SSH2: variants seen among roughly 807,000 people sequenced by gnomAD.
The protein encoded by SSH2 is slingshot protein phosphatase 2.
In SSH2, 37 loss-of-function variants were observed where a neutral mutation model predicts 135.2. The ratio of observed to expected loss-of-function variants is 0.27; its 90% CI spans 0.21 to 0.36. The LOEUF is 0.36. Ranked by LOEUF, SSH2 falls within the 10% of genes least tolerant of loss-of-function variation. SSH2 has a pLI of 1.00. For missense variants in SSH2, 1,408 were observed against 1,765.3 expected, an observed-to-expected ratio of 0.80 and a Z score of 3.63; for synonymous variants, 628 against 646.2, an observed-to-expected ratio of 0.97 and a Z score of 0.43.
intron 1 of SSH2, among the ~76,000 whole-genome samples, chr17:29,861,014 G>T (rs1038499691): frequency 4.6e-5 from 7 of 152,034 alleles, no homozygotes; most frequent in African/African-American, 1.4e-4. Flanking sequence ...CAAAGTACTG[G>T]GATTACAGGT....
chr17:29,889,098 AC>A (rs778625679), intron 1 of SSH2, among the ~76,000 whole-genome samples: 58 of 152,258 alleles, frequency 3.8e-4, no homozygotes, highest in Non-Finnish European at 7.8e-4. Context: ...AATACCATAT[AC>A]AAAAATTTAC....
chr17:29,876,255 A>C (rs2066029056), intron 1 of SSH2, among the ~76,000 whole-genome samples: 2 of 152,140 alleles, frequency 1.3e-5, no homozygotes, highest in Non-Finnish European at 2.9e-5. Context: ...CTACAAAGGA[A>C]TAGTAACCAA....
intron 6 of SSH2, among the ~76,000 whole-genome samples, chr17:29,679,698 G>A (rs1214732170): frequency 4.6e-5 from 7 of 152,176 alleles, no homozygotes; most frequent in South Asian, 2.1e-4. Flanking sequence ...GAGCCACCGC[G>A]CCCAGCAACT....
intron 3 of SSH2, among the ~76,000 whole-genome samples, chr17:29,791,156 G>A (rs2042058637): frequency 6.6e-6 from 1 of 152,002 alleles, no homozygotes; most frequent in African/African-American, 2.4e-5. Flanking sequence ...CTTGATCTCG[G>A]CTCACTGCAA....
intron 1 of SSH2, among the ~76,000 whole-genome samples, chr17:29,878,504 GT>G (rs2066076852): frequency 6.6e-6 from 1 of 152,286 alleles, no homozygotes; most frequent in Middle Eastern, 3.4e-3. Flanking sequence ...GCCTAGCATA[GT>G]GTGTGACACA....
intron 3 of SSH2, among the ~76,000 whole-genome samples, chr17:29,792,101 A>G (rs1314840692): frequency 2.7e-5 from 4 of 150,746 alleles, no homozygotes; most frequent in Admixed American, 2.0e-4. Context: ...TTTTTTTTGT[A>G]TTTTTATTAA....
At chr17:29,661,118 T>C (rs2037023235) in intron 11 of SSH2, among the ~76,000 whole-genome samples, 1 of 151,860 alleles carries the variant, frequency 6.6e-6, no homozygotes, top group Non-Finnish European at 1.5e-5. Context: ...TTTCCTCATT[T>C]CCCACGTATC....
intron 2 of SSH2, among the ~76,000 whole-genome samples, chr17:29,823,736 G>A (rs1253660351): frequency 6.6e-6 from 1 of 152,024 alleles, no homozygotes; most frequent in East Asian, 1.9e-4. Context: ...AAAATTAGCT[G>A]AGTGTGGTGA....
At chr17:29,843,707 T>C (rs111969933) in intron 2 of SSH2, among the ~76,000 whole-genome samples, 5 of 152,348 alleles carry the variant, frequency 3.3e-5, no homozygotes, top group African/African-American at 7.2e-5. Context: ...ACCCTGAGAA[T>C]TGAAGTCCTT....
chr17:29,861,691 G>A (rs962656452), intron 1 of SSH2, among the ~76,000 whole-genome samples: 3 of 152,072 alleles, frequency 2.0e-5, no homozygotes, highest in Admixed American at 1.3e-4. Flanking sequence ...AGCCTCCCAA[G>A]TAGCTGGGAC....
In SSH2 at chr17:29,663,421, G is replaced by T. The variant is rs576806442; in HGVS notation, c.1032+3446C>A. ...CAAAGACTCAATGGAGAAGAGATAGGGAGTTGGACATAGGATATGGCAGTG... is the reference window on the plus strand; with the variant it reads ...CAAAGACTCAATGGAGAAGAGATAGTGAGTTGGACATAGGATATGGCAGTG... On this transcript the variant is annotated intron_variant, in intron 11 of 15. Transcript: ENST00000540801. 5.3e-5 allele frequency among the ~76,000 whole-genome samples: 8 copies of T among 152,332 alleles called. No homozygotes were observed. The South Asian group carries it at 1.7e-3, about 32-fold the overall frequency.
Position 29,636,663 on chromosome 17 carries a change from T to G in SSH2, c.1567A>C (p.Thr523Pro), listed in dbSNP as rs1392265705. ...TSADQIAEVKTMESHPPIPPV... is the reference protein window; with the variant it reads ...TSADQIAEVKPMESHPPIPPV... ...GGTATGGGTGGGTGACTCTCCATGG[T>G]CTTCACCTCAGCAATCTGGTCTGCT... Residue 523 changes from threonine (T) to proline (P), a missense_variant, in exon 15 of 16, where the codon ACC becomes CCC. Thr to Pro is a conservative substitution (Grantham distance 38). This residue lies in a region of SSH2 where 1,080 missense variants were observed against 1,144.5 expected (regional missense o/e 0.94). Transcript: ENST00000540801. The G allele has an allele frequency of 3.7e-6, 6 of 1,614,028 alleles. No individual in the cohort carries two copies. The African/African-American group carries it at 8.0e-5, about 22-fold the overall frequency.
intron 2 of SSH2, among the ~76,000 whole-genome samples, chr17:29,820,080 A>G (rs2042626810): frequency 6.6e-6 from 1 of 152,064 alleles, no homozygotes; most frequent in Non-Finnish European, 1.5e-5. Context: ...GTTGTTTGCC[A>G]TTTTTTCTAT....
At chr17:29,774,456 G>A (rs1480308375) in intron 3 of SSH2, among the ~76,000 whole-genome samples, 1 of 152,036 alleles carries the variant, frequency 6.6e-6, no homozygotes, top group Non-Finnish European at 1.5e-5. Flanking sequence ...GTAGAGATGG[G>A]GTTTCACCAT....
At chr17:29,794,860 T>C (rs1271585272) in intron 2 of SSH2, among the ~76,000 whole-genome samples, 1 of 152,230 alleles carries the variant, frequency 6.6e-6, no homozygotes, top group Non-Finnish European at 1.5e-5. Context: ...AAAATTAGTA[T>C]ATGTTATGAT....
At chr17:29,769,328 T>C (rs765207330) in intron 3 of SSH2, among the ~76,000 whole-genome samples, 1 of 152,208 alleles carries the variant, frequency 6.6e-6, no homozygotes, top group African/African-American at 2.4e-5. Context: ...TTGGGGACCT[T>C]AAATACCTAC....
chr17:29,880,121 A>C (rs2066110014), intron 1 of SSH2, among the ~76,000 whole-genome samples: 1 of 152,136 alleles, frequency 6.6e-6, no homozygotes, highest in Non-Finnish European at 1.5e-5. Flanking sequence ...ATCAAACATC[A>C]TTGAGTGCCT....
At chr17:29,708,715 A>G (rs982365015) in intron 3 of SSH2, among the ~76,000 whole-genome samples, 2 of 151,826 alleles carry the variant, frequency 1.3e-5, no homozygotes, top group African/African-American at 4.8e-5. Flanking sequence ...AGTAAACTCT[A>G]TGAAGTCATT....
At chr17:29,757,741 AAAGAG>A (rs1371039818) in intron 3 of SSH2, among the ~76,000 whole-genome samples, 8 of 128,876 alleles carry the variant, frequency 6.2e-5, no homozygotes, top group Non-Finnish European at 1.1e-4. Context: ...AAAAAAAAAA[AAAGAG>A]AGAGAGAGAG....
Sources: allele counts gnomAD v4.1 joint callset (sites outside exome capture counted in the v4.1 genomes callset), GRCh38; gene constraint gnomAD v4.1.1; regional missense constraint gnomAD v4.1.1; transcripts MANE v1.5; gene names NCBI Gene and HGNC (gene_info 2026-07-23, HGNC 2026-07-21).